The following FOXP1 variants were observed in gnomAD, a reference collection of about 807,000 sequenced individuals.
The protein encoded by FOXP1 is forkhead box P1.
Under a neutral mutation model 98.2 loss-of-function variants are expected in FOXP1, and 15 were observed. The ratio of observed to expected loss-of-function variants is 0.15; its 90% CI spans 0.10 to 0.24. FOXP1 has a LOEUF of 0.24. Among genes scored for constraint, FOXP1 ranks in the 10% least tolerant of loss-of-function variants. FOXP1 has a pLI of 1.00. For synonymous variants in FOXP1, 371 were observed against 314.5 expected (o/e 1.18, Z -1.90); for missense variants, 633 against 848.5 (o/e 0.75, Z 3.15).
At chr3:71,553,255 C>T (rs558475250) in intron 2 of FOXP1, among the ~76,000 whole-genome samples, 2 of 152,160 alleles carry the variant, frequency 1.3e-5, no homozygotes, top group African/African-American at 4.8e-5. Flanking sequence ...AAACTCTATT[C>T]TGAATATCTT....
rs143580450 is a variant in FOXP1 at position 71,138,326 on chromosome 3, G to A, written c.181-25689C>T. ...AAGCCTTTACAAAATATTGTTAGCTGTTAATAATACATCATTATCAAAAAT... is the reference window on the plus strand; with the variant it reads ...AAGCCTTTACAAAATATTGTTAGCTATTAATAATACATCATTATCAAAAAT... On this transcript the variant is annotated intron_variant, in intron 6 of 20. Coordinates refer to ENST00000649528, the MANE Select transcript of FOXP1 (RefSeq NM_001349338.3). 3.1e-4 allele frequency among the ~76,000 whole-genome samples: 47 copies of A among 152,244 alleles called. 1 individual carries two copies. In the East Asian group the frequency reaches 8.1e-3, roughly 26 times the overall value.
chr3:71,180,344 T>C (rs1233148611), intron 6 of FOXP1, among the ~76,000 whole-genome samples: 1 of 152,182 alleles, frequency 6.6e-6, no homozygotes, highest in Non-Finnish European at 1.5e-5. Flanking sequence ...AATTATTTGC[T>C]GTCTTGGTTC....
intron 2 of FOXP1, among the ~76,000 whole-genome samples, chr3:71,553,889 T>C (rs2045943318): frequency 6.6e-6 from 1 of 152,230 alleles, no homozygotes; most frequent in Non-Finnish European, 1.5e-5. Context: ...TATTTATAAA[T>C]GTTGGTAGTT....
chr3:71,167,444 T>C (rs2061445545), intron 6 of FOXP1, among the ~76,000 whole-genome samples: 1 of 152,224 alleles, frequency 6.6e-6, no homozygotes, highest in Admixed American at 6.5e-5. Flanking sequence ...AGAGCACGTG[T>C]GAATTTTCAG....
intron 6 of FOXP1, among the ~76,000 whole-genome samples, chr3:71,137,774 CTATT>C (rs143247862): frequency 1.6e-4 from 22 of 140,754 alleles, no homozygotes; most frequent in African/African-American, 5.0e-4. Flanking sequence ...AAAGATAATT[CTATT>C]TATTTATTTA....
At chr3:71,142,899 C>G (rs1319462972) in intron 6 of FOXP1, among the ~76,000 whole-genome samples, 1 of 151,996 alleles carries the variant, frequency 6.6e-6, no homozygotes, top group African/African-American at 2.4e-5. Flanking sequence ...AAAAGAGTTT[C>G]TCTTAATGAG....
chr3:71,326,365 G>C (rs151007467), intron 4 of FOXP1, among the ~76,000 whole-genome samples: 2 of 152,238 alleles, frequency 1.3e-5, no homozygotes, highest in Admixed American at 1.3e-4. Flanking sequence ...CATAAAAGAG[G>C]CTCGGATGAA....
At chr3:71,278,768 C>G (rs141354091) in intron 5 of FOXP1, among the ~76,000 whole-genome samples, 2 of 151,376 alleles carry the variant, frequency 1.3e-5, no homozygotes, top group African/African-American at 4.9e-5. Flanking sequence ...GGCGACAGAG[C>G]GAGACTCCAT....
At chr3:71,550,845 G>A (rs1366377616) in intron 2 of FOXP1, among the ~76,000 whole-genome samples, 1 of 152,166 alleles carries the variant, frequency 6.6e-6, no homozygotes, top group Non-Finnish European at 1.5e-5. Context: ...AAAAGCAGCA[G>A]GCTTGCCATG....
intron 3 of FOXP1, among the ~76,000 whole-genome samples, chr3:71,455,220 C>T (rs565825657): frequency 2.2e-4 from 34 of 152,124 alleles, no homozygotes; most frequent in African/African-American, 8.0e-4. Context: ...AATAGCCACA[C>T]GAGCACACAT....
chr3:71,042,289 G>GT (rs1210676658), intron 10 of FOXP1, among the ~76,000 whole-genome samples: 4 of 152,144 alleles, frequency 2.6e-5, no homozygotes, highest in Non-Finnish European at 4.4e-5. Context: ...AAGTTCTCTT[G>GT]TTTTTTTAAA....
chr3:71,522,189 A>T (rs753723101), intron 2 of FOXP1, among the ~76,000 whole-genome samples: 25 of 152,346 alleles, frequency 1.6e-4, no homozygotes, highest in Admixed American at 3.3e-4. Flanking sequence ...CCCTGTGGGC[A>T]GCTGCCCAAT....
chr3:71,533,557 A>G (rs1250034359), intron 2 of FOXP1, among the ~76,000 whole-genome samples: 6 of 152,194 alleles, frequency 3.9e-5, no homozygotes, highest in Non-Finnish European at 7.3e-5. Context: ...TTGGGGAATC[A>G]TAAGTTACAC....
chr3:71,073,556 C>A (rs1237348326), intron 7 of FOXP1, among the ~76,000 whole-genome samples: 2 of 152,336 alleles, frequency 1.3e-5, no homozygotes, highest in African/African-American at 4.8e-5. Context: ...ATTTGTTACT[C>A]ATCAGCAATG....
In FOXP1 at chr3:71,459,519, T is replaced by C. The variant is rs2087816070; in HGVS notation, c.-168+33907A>G. Among the ~76,000 whole-genome samples, 4 of 152,316 alleles carry C rather than the reference T, an allele frequency of 2.6e-5. No homozygotes were observed. The South Asian group carries it at 6.2e-4, about 24-fold the overall frequency. On this transcript the variant is annotated intron_variant, in intron 3 of 20. Coordinates refer to ENST00000649528, the MANE Select transcript of FOXP1 (RefSeq NM_001349338.3). ...CCTTCCTAACGCAGCTTTTTTTCTA[T>C]TCAGTTAATAAAGATTTGTGAAATT...
At chr3:71,289,231 G>A (rs1487077290) in intron 5 of FOXP1, among the ~76,000 whole-genome samples, 2 of 151,222 alleles carry the variant, frequency 1.3e-5, no homozygotes, top group African/African-American at 4.9e-5. Context: ...AGTAGAGACA[G>A]GGTTTCCCCA....
At chr3:70,986,217 T>C (rs1224500165) in intron 14 of FOXP1, among the ~76,000 whole-genome samples, 1 of 152,200 alleles carries the variant, frequency 6.6e-6, no homozygotes, top group African/African-American at 2.4e-5. Flanking sequence ...ACGTGAAGAA[T>C]CCCAATGGTC....
At chr3:71,431,163 C>T (rs1026758991) in intron 3 of FOXP1, among the ~76,000 whole-genome samples, 3 of 152,108 alleles carry the variant, frequency 2.0e-5, no homozygotes, top group African/African-American at 7.2e-5. Context: ...CATGCAAAGA[C>T]AGCACAGACA....
intron 3 of FOXP1, among the ~76,000 whole-genome samples, chr3:71,476,657 ATT>A (rs55733297): frequency 0.34 from 45,215 of 134,624 alleles, 6,947 homozygotes; most frequent in Non-Finnish European, 0.38. Flanking sequence ...TGCCCAGCTA[ATT>A]TTTTTTTTTT....
Sources: allele counts gnomAD v4.1 joint callset (sites outside exome capture counted in the v4.1 genomes callset), GRCh38; gene constraint gnomAD v4.1.1; transcripts MANE v1.5; gene names NCBI Gene and HGNC (gene_info 2026-07-23, HGNC 2026-07-21).